The following THSD7B variants were observed in gnomAD, a reference collection of about 807,000 sequenced individuals.
THSD7B encodes the protein thrombospondin type 1 domain containing 7B, also known as thrombospondin type-1 domain-containing protein 7B.
THSD7B carries 138 observed loss-of-function variants against 213.6 expected under a neutral mutation model. That is an observed-to-expected ratio of 0.65 (90% CI 0.56 to 0.74). The LOEUF (loss-of-function observed/expected upper bound fraction) is 0.74. Among genes scored for constraint, THSD7B ranks in the 30% least tolerant of loss-of-function variants. The pLI, the probability that THSD7B is intolerant of heterozygous loss-of-function variation, is 0.00. For synonymous variants in THSD7B, 742 were observed against 687.0 expected, an observed-to-expected ratio of 1.08 and a Z score of -1.25; for missense variants, 1,931 against 1,991.5, an observed-to-expected ratio of 0.97 and a Z score of 0.58.
intron 12 of THSD7B, among the ~76,000 whole-genome samples, chr2:137,321,602 C>T (rs1364393629): frequency 6.6e-6 from 1 of 152,116 alleles, no homozygotes; most frequent in Non-Finnish European, 1.5e-5. Context: ...ATCAACCAAT[C>T]ATAGGCACTT....
intron 21 of THSD7B, among the ~76,000 whole-genome samples, chr2:137,648,129 T>G (rs149777947): frequency 2.7e-3 from 404 of 152,348 alleles, no homozygotes; most frequent in African/African-American, 9.1e-3. Context: ...ATATATTTTT[T>G]GGGTATATGT....
rs1219344424 is a variant in THSD7B at position 136,929,803 on chromosome 2, CAT to C, written c.139+47487_139+47488del. Among the ~76,000 whole-genome samples the C allele has an allele frequency of 2.0e-4, 31 of 152,248 alleles. No homozygotes were observed. The East Asian group carries it at 4.4e-3, about 22-fold the overall frequency. Reference sequence around the variant, plus strand: ...TTGCTTGCAATGAAGCTGTTGTAAACATGTGTGAATTTCCAGTTTCTGACTCC... The same window carrying C: ...TTGCTTGCAATGAAGCTGTTGTAAACGTGTGAATTTCCAGTTTCTGACTCC... On this transcript the variant is annotated intron_variant, in intron 2 of 27. Coordinates refer to ENST00000409968, the MANE Select transcript of THSD7B (RefSeq NM_001316349.2).
At chr2:136,822,880 G>T (rs1435223310) in intron 1 of THSD7B, among the ~76,000 whole-genome samples, 1 of 152,148 alleles carries the variant, frequency 6.6e-6, no homozygotes, top group East Asian at 1.9e-4. Context: ...TAGAAAGTAG[G>T]CTAGATTTAG....
At chr2:136,777,878 G>A (rs886396645) in intron 1 of THSD7B, among the ~76,000 whole-genome samples, 4 of 152,146 alleles carry the variant, frequency 2.6e-5, no homozygotes, top group African/African-American at 9.7e-5. Flanking sequence ...ACTCTGCAGG[G>A]CATGAGGGGA....
chr2:137,222,726 G>A (rs1550084), intron 7 of THSD7B, among the ~76,000 whole-genome samples: 90,820 of 152,014 alleles, frequency 0.6, 27,543 homozygotes, highest in South Asian at 0.71. Flanking sequence ...TCTGAAAGTC[G>A]GTAATTCATG....
intron 12 of THSD7B, among the ~76,000 whole-genome samples, chr2:137,390,893 G>A (rs1558780423): frequency 2.6e-5 from 4 of 152,080 alleles, no homozygotes; most frequent in Non-Finnish European, 2.9e-5. Flanking sequence ...CTTGATCATG[G>A]TGTATTTTTT....
At chr2:137,413,598 G>A (rs1221795673) in intron 14 of THSD7B, among the ~76,000 whole-genome samples, 1 of 152,178 alleles carries the variant, frequency 6.6e-6, no homozygotes, top group Non-Finnish European at 1.5e-5. Flanking sequence ...AGTTAGTGGG[G>A]TGTCCAGAAG....
At chr2:137,611,623 A>G (rs1414044839) in intron 17 of THSD7B, among the ~76,000 whole-genome samples, 2 of 152,170 alleles carry the variant, frequency 1.3e-5, no homozygotes, top group African/African-American at 2.4e-5. Context: ...CAACCCAATA[A>G]TATGTAATGG....
rs150818991 is a variant in THSD7B, at chr2:136,829,037, C to G, written c.-35-53107C>G. Among the ~76,000 whole-genome samples the G allele has an allele frequency of 3.6e-3, 552 of 152,274 alleles. 7 individuals carry two copies. The highest frequency in any genetic ancestry group is 0.013 in the African/African-American group (528 of 41,540). On this transcript the variant is annotated intron_variant, in intron 1 of 27. Coordinates refer to ENST00000409968, the MANE Select transcript of THSD7B (RefSeq NM_001316349.2). ...GTTATTTACATCTGCATGGAACTGT[C>G]CCTTTCCAAGGCCACTCTATTACGT...
At chr2:137,421,714 A>G (rs115264506) in intron 14 of THSD7B, among the ~76,000 whole-genome samples, 2 of 152,270 alleles carry the variant, frequency 1.3e-5, no homozygotes, top group African/African-American at 2.4e-5. Flanking sequence ...AACACCCACA[A>G]TCATAAATTT....
intron 12 of THSD7B, among the ~76,000 whole-genome samples, chr2:137,309,383 T>G (rs1166832406): frequency 5.3e-5 from 8 of 151,934 alleles, no homozygotes; most frequent in African/African-American, 1.9e-4. Flanking sequence ...TAAGCCTTTT[T>G]GTCACATATT....
At chr2:137,621,074 A>G (rs1315261121) in intron 20 of THSD7B, among the ~76,000 whole-genome samples, 1 of 152,222 alleles carries the variant, frequency 6.6e-6, no homozygotes, top group East Asian at 1.9e-4. Flanking sequence ...ATAAACCCCC[A>G]AAGCACACCC....
At chr2:137,528,315 A>G (rs1231396844) in intron 15 of THSD7B, among the ~76,000 whole-genome samples, 1 of 152,116 alleles carries the variant, frequency 6.6e-6, no homozygotes, top group African/African-American at 2.4e-5. Flanking sequence ...TCTATCATGC[A>G]TGCATTGGAT....
chr2:137,165,142 T>C (rs1032227288), intron 6 of THSD7B, among the ~76,000 whole-genome samples: 3 of 152,094 alleles, frequency 2.0e-5, no homozygotes, highest in Admixed American at 6.5e-5. Flanking sequence ...AGGGACATGT[T>C]GAGATTGATG....
intron 15 of THSD7B, among the ~76,000 whole-genome samples, chr2:137,460,400 G>A (rs919254274): frequency 1.3e-5 from 2 of 152,028 alleles, no homozygotes; most frequent in Admixed American, 6.6e-5. Context: ...GGTCTCTAAC[G>A]TATATCTGCT....
rs1682511679 is a variant in THSD7B at position 137,263,841 on chromosome 2, T to C, written c.2267-8692T>C. Among the ~76,000 whole-genome samples the C allele has an allele frequency of 2.0e-5, 3 of 152,304 alleles. No individual in the cohort carries two copies. In the South Asian group the frequency reaches 6.2e-4, roughly 32 times the overall value. The stretch of plus-strand genomic sequence containing the variant: ...TCTATAAAACCTTCCTACTCATAGT[T>C]CTACTAGGGCATTGCATTTTTTTAA... On this transcript the variant is annotated intron_variant, in intron 10 of 27. Coordinates refer to ENST00000409968, the MANE Select transcript of THSD7B (RefSeq NM_001316349.2).
At chr2:137,253,025 A>C (rs1682224235) in intron 10 of THSD7B, among the ~76,000 whole-genome samples, 1 of 151,342 alleles carries the variant, frequency 6.6e-6, no homozygotes, top group Non-Finnish European at 1.5e-5. Flanking sequence ...ATAGAAATGC[A>C]GTAGAATAAC....
chr2:136,901,173 G>A (rs564191), intron 2 of THSD7B, among the ~76,000 whole-genome samples: 150,636 of 152,306 alleles, frequency 0.99, 74,513 homozygotes, highest in East Asian at 1. Flanking sequence ...TTAAGTTTCT[G>A]ATCATGCAGT....
At chr2:136,856,512 G>T (rs968482985) in intron 1 of THSD7B, among the ~76,000 whole-genome samples, 1 of 150,772 alleles carries the variant, frequency 6.6e-6, no homozygotes, top group Non-Finnish European at 1.5e-5. Context: ...ATTATAATGA[G>T]CTGGATTTTT....
Sources: allele counts gnomAD v4.1 joint callset (sites outside exome capture counted in the v4.1 genomes callset), GRCh38; gene constraint gnomAD v4.1.1; transcripts MANE v1.5; gene names NCBI Gene and HGNC (gene_info 2026-07-23, HGNC 2026-07-21).